Variants in CDH12 observed in about 807,000 individuals in gnomAD.
The protein encoded by CDH12 is cadherin 12, also known as cadherin-12.
CDH12 carries 41 observed loss-of-function variants against 74.1 expected under a neutral mutation model. The ratio of observed to expected loss-of-function variants is 0.55; its 90% confidence interval spans 0.43 to 0.72. The LOEUF (loss-of-function observed/expected upper bound fraction) is 0.72. Ranked by LOEUF, CDH12 falls within the 30% of genes least tolerant of loss-of-function variation. The probability of loss-of-function intolerance (pLI) is 0.00; values close to 1 mark genes in which losing one functional copy is unlikely to be tolerated. For synonymous variants in CDH12, 399 were observed against 355.0 expected, an observed-to-expected ratio of 1.12 and a Z score of -1.39; for missense variants, 945 against 977.2, an observed-to-expected ratio of 0.97 and a Z score of 0.44.
chr5:22,346,109 A>AC (rs973692124), intron 3 of CDH12, among the ~76,000 whole-genome samples: 2 of 151,198 alleles, frequency 1.3e-5, no homozygotes, highest in Non-Finnish European at 3.0e-5. Context: ...TCATCTCAAA[A>AC]AAAAAAAAAA....
chr5:22,431,872 G>C (rs900527808), intron 2 of CDH12, among the ~76,000 whole-genome samples: 8 of 152,160 alleles, frequency 5.3e-5, no homozygotes, highest in Non-Finnish European at 7.3e-5. Flanking sequence ...TTATGAAAGA[G>C]AGTAGAAAAG....
intron 3 of CDH12, among the ~76,000 whole-genome samples, chr5:22,284,344 A>G (rs1026799937): frequency 1.2e-4 from 18 of 152,156 alleles, no homozygotes; most frequent in Admixed American, 1.0e-3. Context: ...TCTAGGCACA[A>G]ATTAATTAGG....
chr5:22,646,415 C>T (rs983331898), intron 1 of CDH12, among the ~76,000 whole-genome samples: 2 of 151,748 alleles, frequency 1.3e-5, no homozygotes, highest in Non-Finnish European at 3.0e-5. Flanking sequence ...TGAAGAAGCA[C>T]CAAATGAACA....
chr5:22,177,246 A>T (rs1749390350), intron 4 of CDH12, among the ~76,000 whole-genome samples: 1 of 152,138 alleles, frequency 6.6e-6, no homozygotes. Flanking sequence ...GTGAAATCAC[A>T]AATTTCCCTA....
chr5:22,066,876 G>A (rs1042655041), intron 5 of CDH12, among the ~76,000 whole-genome samples: 2 of 152,166 alleles, frequency 1.3e-5, no homozygotes, highest in Non-Finnish European at 1.5e-5. Flanking sequence ...CATAAGCTTA[G>A]TCAGGTGGTG....
At position 22,628,938 on chromosome 5, in the gene CDH12, A is replaced by T. The variant is rs556000807; in HGVS notation, c.-522-123574T>A. On this transcript the variant is annotated intron_variant, in intron 1 of 14. Coordinates refer to ENST00000382254, the MANE Select transcript of CDH12 (RefSeq NM_004061.5). Reference sequence around the variant, plus strand: ...ACATTACCACTGACCCCTCAGAAATAAAAAAAAAAAATCTCTCAGACACTA... The same window carrying T: ...ACATTACCACTGACCCCTCAGAAATTAAAAAAAAAAATCTCTCAGACACTA... 3.4e-5 allele frequency among the ~76,000 whole-genome samples: 5 copies of T among 146,550 alleles called. No individual in the cohort carries two copies. In the East Asian group the frequency reaches 7.9e-4, roughly 23 times the overall value.
chr5:22,440,204 A>G (rs1744569365), intron 2 of CDH12, among the ~76,000 whole-genome samples: 2 of 152,116 alleles, frequency 1.3e-5, no homozygotes, highest in African/African-American at 4.8e-5. Flanking sequence ...ACCGAGAGCA[A>G]CTTAAAATAA....
intron 8 of CDH12, among the ~76,000 whole-genome samples, chr5:21,826,109 C>A (rs1179554439): frequency 3.3e-5 from 5 of 152,156 alleles, no homozygotes; most frequent in African/African-American, 1.2e-4. Flanking sequence ...TAGGTAACTT[C>A]ATCTCTCCCT....
At chr5:21,876,132 G>T (rs778210084) in intron 6 of CDH12, among the ~76,000 whole-genome samples, 7 of 152,084 alleles carry the variant, frequency 4.6e-5, no homozygotes, top group Non-Finnish European at 7.4e-5. Flanking sequence ...TTGACCTCAT[G>T]TTCCACCTTC....
chr5:22,729,460 T>C (rs994621562), intron 1 of CDH12, among the ~76,000 whole-genome samples: 1 of 151,868 alleles, frequency 6.6e-6, no homozygotes, highest in African/African-American at 2.4e-5. Context: ...ACCAACTGTT[T>C]AGTGATCTTA....
chr5:22,536,014 T>A (rs1033392853), intron 1 of CDH12, among the ~76,000 whole-genome samples: 1 of 152,246 alleles, frequency 6.6e-6, no homozygotes, highest in African/African-American at 2.4e-5. Flanking sequence ...TGTCTGAAGA[T>A]AATTTAAAGT....
At chr5:21,940,059 TAAAA>T (rs150268204) in intron 6 of CDH12, among the ~76,000 whole-genome samples, 1 of 150,550 alleles carries the variant, frequency 6.6e-6, no homozygotes, top group African/African-American at 2.4e-5. Context: ...CATCTCTACT[TAAAA>T]AAATAAATAA....
chr5:21,948,573 T>C (rs991900110), intron 6 of CDH12, among the ~76,000 whole-genome samples: 3 of 152,120 alleles, frequency 2.0e-5, no homozygotes, highest in African/African-American at 7.2e-5. Context: ...CCAAAACGTC[T>C]TGCCTTGTCT....
At chr5:21,761,742 T>TAGATATAG (rs1554027352) in intron 12 of CDH12, among the ~76,000 whole-genome samples, 5 of 147,462 alleles carry the variant, frequency 3.4e-5, no homozygotes. Context: ...GATGGATAGA[T>TAGATATAG]ATAGATAGAT....
At chr5:22,586,566 A>G (rs1740414643) in intron 1 of CDH12, among the ~76,000 whole-genome samples, 1 of 151,010 alleles carries the variant, frequency 6.6e-6, no homozygotes, top group African/African-American at 2.4e-5. Flanking sequence ...TTTAGAAAAA[A>G]TTATTGAAAA....
intron 1 of CDH12, among the ~76,000 whole-genome samples, chr5:22,689,371 A>C (rs1033795861): frequency 3.3e-5 from 5 of 152,154 alleles, no homozygotes; most frequent in African/African-American, 1.2e-4. Context: ...ATACACTGGA[A>C]AAAGTCCTGT....
chr5:21,790,258 T>C (rs1746416522), intron 10 of CDH12, among the ~76,000 whole-genome samples: 1 of 152,120 alleles, frequency 6.6e-6, no homozygotes, highest in Non-Finnish European at 1.5e-5. Context: ...TAAATGTAAT[T>C]TTAGGTATTT....
chr5:21,809,154 C>T (rs964499534), intron 9 of CDH12, among the ~76,000 whole-genome samples: 4 of 152,118 alleles, frequency 2.6e-5, no homozygotes, highest in Admixed American at 6.6e-5. Context: ...TTTTGCAACT[C>T]TGCAAAATTT....
At chr5:21,761,273 C>T (rs1430787822) in intron 12 of CDH12, among the ~76,000 whole-genome samples, 3 of 152,064 alleles carry the variant, frequency 2.0e-5, no homozygotes, top group Admixed American at 6.6e-5. Context: ...TGCTTCCATA[C>T]GTTGTGTATC....
Sources: gnomAD v4.1 joint callset for allele counts (sites outside exome capture counted in the v4.1 genomes callset) on GRCh38, gnomAD v4.1.1 for gene constraint, MANE v1.5 for transcripts, NCBI Gene and HGNC (gene_info 2026-07-23, HGNC 2026-07-21) for gene names.